SANBR: variants seen among roughly 807,000 people sequenced by gnomAD.
The protein encoded by SANBR is SANT and BTB domain regulator of class switch recombination.
In SANBR, 77 loss-of-function variants were observed where a neutral mutation model predicts 101.8. The observed-to-expected ratio is 0.76, with a 90% CI of 0.63 to 0.91. The LOEUF is 0.91. Ranked by LOEUF, SANBR falls within the 40% of genes least tolerant of loss-of-function variation. The pLI is 0.00. For synonymous variants in SANBR, 279 were observed against 274.7 expected, an observed-to-expected ratio of 1.02 and a Z score of -0.15; for missense variants, 875 against 853.0, an observed-to-expected ratio of 1.03 and a Z score of -0.32.
Position 61,077,166 on chromosome 2 carries a change from A to G in SANBR, c.670+8A>G. The G allele has an allele frequency of 6.4e-7, 1 of 1,555,690 alleles. No individual in the cohort carries two copies. Among genetic ancestry groups the G allele is most frequent in the Non-Finnish European group, 8.9e-7 (1 of 1,129,082 alleles). On this transcript the variant is annotated splice_region_variant and intron_variant, in intron 6 of 21. Transcript: ENST00000402291. ...GTGAGATGCCCACTTTAGGTAAAAA[A>G]CAATCTGTTGCTTAATTTGTAGTGA...
intron 16 of SANBR, among the ~76,000 whole-genome samples, chr2:61,113,570 T>A (rs1200285341): frequency 6.6e-6 from 1 of 152,224 alleles, no homozygotes; most frequent in East Asian, 1.9e-4. Flanking sequence ...CCTCCGTGTT[T>A]TTATGCTATT....
At chr2:61,070,115 A>G (rs921659942) in intron 2 of SANBR, among the ~76,000 whole-genome samples, 1 of 152,192 alleles carries the variant, frequency 6.6e-6, no homozygotes, top group African/African-American at 2.4e-5. Flanking sequence ...TTTATCGTAT[A>G]TTTATTCATC....
At position 61,123,913 on chromosome 2, in the gene SANBR, G is replaced by A. The variant is rs765772330; in HGVS notation, c.*1751G>A. On this transcript the variant is annotated 3_prime_UTR_variant, in exon 22 of 22. Coordinates refer to ENST00000402291, the MANE Select transcript of SANBR (RefSeq NM_001129993.3). Reference sequence around the variant, plus strand: ...TTGAGACCAGCCTGGCCAACGTGGTGAAACCCTATCTCTACTAAAAATACA... The same window carrying A: ...TTGAGACCAGCCTGGCCAACGTGGTAAAACCCTATCTCTACTAAAAATACA... 181 of 443,834 alleles carry A rather than the reference G, an allele frequency of 4.1e-4. 1 individual carries two copies. Among genetic ancestry groups the A allele is most frequent in the Non-Finnish European group, 5.1e-4 (171 of 335,148 alleles). 27.5% of individuals were successfully genotyped at this position (443,834 alleles called of 1,614,324 possible). A position where few individuals can be genotyped will look rare whatever the true frequency, so the allele number is the denominator to read the frequency against.
chr2:61,129,579 A>G (rs1383936003), intron 20 of SANBR, among the ~76,000 whole-genome samples: 2 of 152,318 alleles, frequency 1.3e-5, no homozygotes, highest in Non-Finnish European at 2.9e-5. Flanking sequence ...TTGAATATGT[A>G]TATAATTTTA....
intron 10 of SANBR, among the ~76,000 whole-genome samples, chr2:61,091,425 C>G (rs1198036629): frequency 6.6e-6 from 1 of 151,846 alleles, no homozygotes; most frequent in African/African-American, 2.4e-5. Flanking sequence ...AACCCCGTCT[C>G]TACTAAAAAA....
chr2:61,106,383 TC>T (rs1386372730), intron 13 of SANBR, among the ~76,000 whole-genome samples, 179 bp from the exon 14 acceptor site: 1 of 89,950 alleles, frequency 1.1e-5, no homozygotes, highest in Non-Finnish European at 1.9e-5. Flanking sequence ...AGAGCGAGAC[TC>T]CATCTCAAAA....
chr2:61,107,007 A>C (rs1188864057), intron 14 of SANBR, among the ~76,000 whole-genome samples: 1 of 152,076 alleles, frequency 6.6e-6, no homozygotes, highest in Admixed American at 6.5e-5. Flanking sequence ...TCTACAAAAA[A>C]GGTTTAAAAC....
chr2:61,076,995 G>C lies in SANBR; in HGVS notation c.507G>C (p.Leu169Phe). 3 of 1,614,162 alleles carry C rather than the reference G, an allele frequency of 1.9e-6. No homozygotes were observed. The highest frequency in any genetic ancestry group is 2.5e-6 in the Non-Finnish European group (3 of 1,180,020). The change falls in exon 6 of 22, where the codon TTG (leucine) becomes TTC (phenylalanine). Residue 169 changes from leucine (L) to phenylalanine (F), a missense_variant. Leu to Phe is a conservative substitution (Grantham distance 22). Transcript: ENST00000402291. ...KEDFTCPRDLLISEMKYFAEY... is the reference protein window; with the variant it reads ...KEDFTCPRDLFISEMKYFAEY... ...ATTTTACTTGCCCGCGAGATCTTTT[G>C]ATATCAGAAATGAAGTACTTTGCTG...
At chr2:61,086,560 G>A (rs1485486109) in intron 8 of SANBR, among the ~76,000 whole-genome samples, 2 of 152,094 alleles carry the variant, frequency 1.3e-5, no homozygotes, top group African/African-American at 4.8e-5. Flanking sequence ...AGGAAAAAAG[G>A]TTTCCAAAGA....
intron 8 of SANBR, among the ~76,000 whole-genome samples, chr2:61,085,579 C>T (rs1195137146): frequency 1.3e-5 from 2 of 151,688 alleles, no homozygotes; most frequent in African/African-American, 2.4e-5. Context: ...CATGAGATCT[C>T]GACTCTCTGC....
At chr2:61,112,143 C>T (rs1202606637) in intron 16 of SANBR, among the ~76,000 whole-genome samples, 5 of 152,060 alleles carry the variant, frequency 3.3e-5, no homozygotes, top group African/African-American at 7.2e-5. Flanking sequence ...GCAAAGTGGC[C>T]GTTTTGCATC....
At chr2:61,070,546 A>T in intron 3 of SANBR, 46 bp downstream of exon 3, 1 of 1,557,772 alleles carries the variant, frequency 6.4e-7, no homozygotes. Flanking sequence ...TGTTCAGAAA[A>T]GGTCATCAAT....
chr2:61,103,753 T>G (rs181440249), intron 12 of SANBR, 100 bp from the exon 13 acceptor site: 6 of 1,045,324 alleles, frequency 5.7e-6, no homozygotes, highest in Non-Finnish European at 7.1e-6. Flanking sequence ...ATAAAATATG[T>G]ATATGACAAT....
intron 10 of SANBR, chr2:61,089,375 G>A (rs879603737): frequency 1.4e-4 from 22 of 159,278 alleles, no homozygotes; most frequent in Non-Finnish European, 2.4e-4. Context: ...GCATGGTGGT[G>A]GGTGCCTGTA....
chr2:61,111,409 A>T (rs1359368641), intron 16 of SANBR, among the ~76,000 whole-genome samples: 1 of 152,200 alleles, frequency 6.6e-6, no homozygotes, highest in African/African-American at 2.4e-5. Context: ...AAGAAAAGAA[A>T]AAACATGCTG....
chr2:61,123,409 A>G lies in SANBR; in HGVS notation c.*1247A>G. 2.0e-6 allele frequency: 2 copies of G among 985,044 alleles called. No homozygotes were observed. The highest frequency in any genetic ancestry group is 2.4e-6 in the Non-Finnish European group (2 of 829,420). The allele number at this position is 985,044 out of a possible 1,614,324, so 61.0% of individuals were successfully genotyped here. On this transcript the variant is annotated 3_prime_UTR_variant, in exon 22 of 22. Transcript: ENST00000402291. ...TTTTAGTGAGTCTTTTAGTTGATAA[A>G]TGAAGCTAGATGTTATTTGATAACT...
intron 10 of SANBR, 168 bp downstream of exon 10, chr2:61,088,636 T>C (rs1682583252): frequency 4.9e-6 from 2 of 410,254 alleles, no homozygotes; most frequent in Non-Finnish European, 8.3e-6. Flanking sequence ...TTCTCCTGCC[T>C]CAGCTTCCTG....
Position 61,076,990 on chromosome 2 carries a change from C to G in SANBR, c.502C>G (p.Leu168Val). Residue 168 changes from leucine (L) to valine (V), a missense_variant, in exon 6 of 22, where the codon CTT (leucine) becomes GTT (valine). Coordinates refer to ENST00000402291, the MANE Select transcript of SANBR (RefSeq NM_001129993.3). The part of the protein sequence containing the change: ...LKEDFTCPRD[L>V]LISEMKYFAE... ...AGAAGATTTTACTTGCCCGCGAGAT[C>G]TTTTGATATCAGAAATGAAGTACTT... 1 of 1,614,130 alleles carries G rather than the reference C, an allele frequency of 6.2e-7. No individual in the cohort carries two copies. The highest frequency in any genetic ancestry group is 8.5e-7 in the Non-Finnish European group (1 of 1,180,020).
intron 17 of SANBR, 40 bp downstream of exon 17, chr2:61,116,110 A>G (rs758613569): frequency 1.5e-6 from 2 of 1,355,628 alleles, no homozygotes; most frequent in Non-Finnish European, 2.1e-6. Context: ...CATATGGAAA[A>G]ATAAGCATGT....
Sources: gnomAD v4.1 joint callset for allele counts (sites outside exome capture counted in the v4.1 genomes callset) on GRCh38, gnomAD v4.1.1 for gene constraint, MANE v1.5 for transcripts, NCBI Gene and HGNC (gene_info 2026-07-23, HGNC 2026-07-21) for gene names.